The following CADPS variants were observed in gnomAD, a reference collection of about 807,000 sequenced individuals.
CADPS encodes the protein calcium-dependent secretion activator 1.
In CADPS, 57 loss-of-function variants were observed where a neutral mutation model predicts 167.3. The observed-to-expected ratio is 0.34, with a 90% CI of 0.28 to 0.42. The LOEUF is 0.42. Ranked by LOEUF, CADPS falls within the 20% of genes least tolerant of loss-of-function variation. The pLI, the probability that CADPS is intolerant of heterozygous loss-of-function variation, is 1.00. For missense variants in CADPS, 1,414 were observed against 1,738.1 expected (o/e 0.81, Z 3.32); for synonymous variants, 676 against 635.3 (o/e 1.06, Z -0.96).
At chr3:62,483,471 T>C (rs1252923029) in intron 21 of CADPS, among the ~76,000 whole-genome samples, 1 of 152,118 alleles carries the variant, frequency 6.6e-6, no homozygotes, top group Admixed American at 6.5e-5. Flanking sequence ...GATTATTCTT[T>C]CACAATGGCA....
At chr3:62,758,097 A>G (rs1384196878) in intron 2 of CADPS, among the ~76,000 whole-genome samples, 2 of 152,216 alleles carry the variant, frequency 1.3e-5, no homozygotes, top group African/African-American at 4.8e-5. Flanking sequence ...CATCTGCTTC[A>G]CTAGCCCCTT....
intron 13 of CADPS, among the ~76,000 whole-genome samples, chr3:62,525,399 A>G (rs2071818118): frequency 6.6e-6 from 1 of 152,156 alleles, no homozygotes; most frequent in Non-Finnish European, 1.5e-5. Context: ...GCTCCTTAGA[A>G]TTTAGAGAGC....
At chr3:62,569,232 C>G (rs1168199487) in intron 9 of CADPS, among the ~76,000 whole-genome samples, 1 of 152,198 alleles carries the variant, frequency 6.6e-6, no homozygotes, top group African/African-American at 2.4e-5. Flanking sequence ...TCCCTAGTAG[C>G]TGAGATTACA....
chr3:62,696,767 C>A (rs1364478674), intron 3 of CADPS, among the ~76,000 whole-genome samples: 1 of 152,154 alleles, frequency 6.6e-6, no homozygotes, highest in East Asian at 1.9e-4. Context: ...CTGGCCCTTA[C>A]TGATCCAGTA....
At chr3:62,578,634 C>G (rs1246485410) in intron 8 of CADPS, among the ~76,000 whole-genome samples, 2 of 79,474 alleles carry the variant, frequency 2.5e-5, no homozygotes, top group African/African-American at 6.5e-5. Context: ...AAAAAAAAGA[C>G]TTAACAATCT....
At chr3:62,578,965 G>A (rs1271917609) in intron 8 of CADPS, among the ~76,000 whole-genome samples, 2 of 152,170 alleles carry the variant, frequency 1.3e-5, no homozygotes, top group Non-Finnish European at 2.9e-5. Context: ...GAAGTGTGAT[G>A]ATTTTGAAGA....
chr3:62,867,100 C>T (rs1359770516), intron 1 of CADPS, among the ~76,000 whole-genome samples: 1 of 151,998 alleles, frequency 6.6e-6, no homozygotes, highest in African/African-American at 2.4e-5. Context: ...TTTATGAGTT[C>T]ATTTTTAATG....
chr3:62,570,719 CCTCTGAATGGT>C (rs2081131563), intron 9 of CADPS, among the ~76,000 whole-genome samples, 142 bp downstream of exon 9: 1 of 152,156 alleles, frequency 6.6e-6, no homozygotes, highest in East Asian at 1.9e-4. Context: ...TCTGTATCCT[CCTCTGAATGGT>C]GGTTACATGG....
At chr3:62,673,342 G>A (rs947926130) in intron 3 of CADPS, among the ~76,000 whole-genome samples, 2 of 152,144 alleles carry the variant, frequency 1.3e-5, no homozygotes, top group Non-Finnish European at 2.9e-5. Flanking sequence ...GAATGCAAAT[G>A]GTTTAAACTT....
At chr3:62,807,298 G>A (rs114586986) in intron 1 of CADPS, among the ~76,000 whole-genome samples, 3,330 of 125,666 alleles carry the variant, frequency 0.026, 56 homozygotes, top group South Asian at 0.059. Context: ...TTTTGCTCTT[G>A]TCGCCCAGGC....
rs548608577 is a variant in CADPS at position 62,470,275 on chromosome 3, C to T, written c.3478-3862G>A. The stretch of plus-strand genomic sequence containing the variant: ...CACCTGGCCAGTATCTAATCTAAAG[C>T]AGGTTGAGGGAGTTGGGACCCAGGT... On this transcript the variant is annotated intron_variant, in intron 24 of 29. Coordinates refer to ENST00000383710, the MANE Select transcript of CADPS (RefSeq NM_003716.4). Among the ~76,000 whole-genome samples the T allele has an allele frequency of 3.3e-5, 5 of 152,236 alleles. No homozygotes were observed. The South Asian group carries it at 1.0e-3, about 32-fold the overall frequency.
intron 27 of CADPS, among the ~76,000 whole-genome samples, chr3:62,445,003 A>T (rs915302411): frequency 2.6e-5 from 4 of 152,132 alleles, no homozygotes; most frequent in Non-Finnish European, 5.9e-5. Flanking sequence ...TTTCTTTTTC[A>T]CTTTACTGGA....
At chr3:62,766,931 T>C (rs1269984821) in intron 1 of CADPS, among the ~76,000 whole-genome samples, 1 of 152,184 alleles carries the variant, frequency 6.6e-6, no homozygotes, top group African/African-American at 2.4e-5. Context: ...TCTTGCTATC[T>C]TATTCATCGA....
chr3:62,872,268 T>C (rs528636020), intron 1 of CADPS, among the ~76,000 whole-genome samples: 2 of 152,346 alleles, frequency 1.3e-5, no homozygotes, highest in South Asian at 2.1e-4. Context: ...AACCTTTTAA[T>C]TACTCTCAAT....
intron 11 of CADPS, among the ~76,000 whole-genome samples, chr3:62,548,126 C>T (rs1309155458): frequency 6.6e-6 from 1 of 152,048 alleles, no homozygotes; most frequent in Non-Finnish European, 1.5e-5. Flanking sequence ...CAGGGGGTAA[C>T]TTCTTTTCAA....
intron 7 of CADPS, among the ~76,000 whole-genome samples, chr3:62,589,362 A>G (rs1279187358): frequency 6.6e-6 from 1 of 152,220 alleles, no homozygotes; most frequent in East Asian, 1.9e-4. Context: ...CTTTGGCACA[A>G]AGGAGGGGTA....
chr3:62,447,484 G>C lies in CADPS; in HGVS notation c.3637-1687C>G, dbSNP rs116432727. On this transcript the variant is annotated intron_variant, in intron 26 of 29. Transcript: ENST00000383710. The stretch of plus-strand genomic sequence containing the variant: ...ATGTCTACCTCCCATATAATGTCAT[G>C]AGAGCAAAGGCTATCTTGGTCTTGC... Among the ~76,000 whole-genome samples, 409 of 152,222 alleles carry C rather than the reference G, an allele frequency of 2.7e-3. 1 individual carries two copies. Among genetic ancestry groups the C allele is most frequent in the African/African-American group, 9.3e-3 (387 of 41,538 alleles).
intron 3 of CADPS, among the ~76,000 whole-genome samples, chr3:62,727,715 G>C (rs1214329631): frequency 7.0e-6 from 1 of 142,068 alleles, no homozygotes; most frequent in Non-Finnish European, 1.5e-5. Context: ...TGTCTTGAGG[G>C]ACAGAACTAC....
intron 6 of CADPS, among the ~76,000 whole-genome samples, chr3:62,611,511 A>G (rs1391840635): frequency 6.6e-6 from 1 of 152,116 alleles, no homozygotes; most frequent in African/African-American, 2.4e-5. Flanking sequence ...AGCTCTCACT[A>G]CTTTTCTGTT....
Sources: gnomAD v4.1 joint callset for allele counts (sites outside exome capture counted in the v4.1 genomes callset) on GRCh38, gnomAD v4.1.1 for gene constraint, MANE v1.5 for transcripts, NCBI Gene and HGNC (gene_info 2026-07-23, HGNC 2026-07-21) for gene names.